Variants in INPP4B observed in about 807,000 individuals in gnomAD.
INPP4B encodes the protein inositol polyphosphate 4-phosphatase type II.
Under a neutral mutation model 122.5 loss-of-function variants are expected in INPP4B, and 55 were observed. That is an observed-to-expected ratio of 0.45 (90% CI 0.36 to 0.56). The LOEUF (loss-of-function observed/expected upper bound fraction) is 0.56, where lower values mean the gene tolerates loss of function less well. Among genes scored for constraint, INPP4B ranks in the 20% least tolerant of loss-of-function variants. INPP4B has a pLI of 0.00. For synonymous variants in INPP4B, 403 were observed against 388.7 expected (o/e 1.04, Z -0.43); for missense variants, 1,000 against 1,097.7 (o/e 0.91, Z 1.26).
intron 15 of INPP4B, among the ~76,000 whole-genome samples, chr4:142,185,402 A>G (rs565394257): frequency 0.17 from 25,596 of 148,140 alleles, 4,575 homozygotes; most frequent in African/African-American, 0.46. Context: ...GTGTGTGTAT[A>G]TATATATATA....
At chr4:142,186,861 T>G (rs1833400742) in intron 15 of INPP4B, among the ~76,000 whole-genome samples, 2 of 152,206 alleles carry the variant, frequency 1.3e-5, no homozygotes, top group South Asian at 4.1e-4. Context: ...GCAGGCCTCA[T>G]TATTTACTTC....
At chr4:142,060,137 C>T (rs1196604716) in intron 25 of INPP4B, among the ~76,000 whole-genome samples, 2 of 151,984 alleles carry the variant, frequency 1.3e-5, no homozygotes, top group African/African-American at 2.4e-5. Flanking sequence ...TGAAACTGCC[C>T]CATGGGATTT....
At chr4:142,550,545 C>A (rs888496183) in intron 2 of INPP4B, among the ~76,000 whole-genome samples, 1 of 150,884 alleles carries the variant, frequency 6.6e-6, no homozygotes. Flanking sequence ...TTTTTTCTCT[C>A]CTATCTCTTG....
rs190299386 is a variant in INPP4B, at chr4:142,572,199, A to T, written c.-190-109473T>A. ...ATAAAGCTCTGTATCACTGGCATGT[A>T]AAACTATGAAATTCTGCTCAACAGC... On this transcript the variant is annotated intron_variant, in intron 2 of 25. Transcript: ENST00000262992. Among the ~76,000 whole-genome samples the T allele has an allele frequency of 4.6e-5, 7 of 152,270 alleles. No individual in the cohort carries two copies. The East Asian group carries it at 1.4e-3, about 29-fold the overall frequency.
intron 7 of INPP4B, among the ~76,000 whole-genome samples, chr4:142,324,200 A>G (rs1771432830): frequency 1.3e-5 from 2 of 152,294 alleles, no homozygotes; most frequent in East Asian, 1.9e-4. Context: ...GGAGAAGCCA[A>G]CCTTGCCAGC....
At chr4:142,617,283 A>G (rs1743918825) in intron 2 of INPP4B, among the ~76,000 whole-genome samples, 1 of 152,084 alleles carries the variant, frequency 6.6e-6, no homozygotes, top group African/African-American at 2.4e-5. Context: ...CACACAAAAA[A>G]GGCAGATCTC....
chr4:142,604,401 A>C (rs1359481016), intron 2 of INPP4B, among the ~76,000 whole-genome samples: 2 of 152,132 alleles, frequency 1.3e-5, no homozygotes, highest in Non-Finnish European at 2.9e-5. Context: ...GAAAAGAAAT[A>C]AAAAGCATCC....
intron 2 of INPP4B, among the ~76,000 whole-genome samples, chr4:142,546,335 C>T (rs1183633591): frequency 2.0e-5 from 3 of 152,084 alleles, no homozygotes; most frequent in Non-Finnish European, 4.4e-5. Context: ...TTCAGTCTAT[C>T]ATTGATGGGC....
intron 1 of INPP4B, among the ~76,000 whole-genome samples, chr4:142,763,189 G>A (rs539601425): frequency 6.6e-5 from 10 of 152,172 alleles, no homozygotes; most frequent in Non-Finnish European, 1.5e-4. Flanking sequence ...ACTCACTTGC[G>A]ACTACATTAT....
intron 9 of INPP4B, among the ~76,000 whole-genome samples, chr4:142,290,802 A>G (rs1427496156): frequency 6.6e-6 from 1 of 152,174 alleles, no homozygotes; most frequent in Non-Finnish European, 1.5e-5. Flanking sequence ...GACCAAAGAC[A>G]GCTAGGCATC....
intron 1 of INPP4B, among the ~76,000 whole-genome samples, chr4:142,738,543 G>T (rs1270862181): frequency 6.6e-6 from 1 of 151,872 alleles, no homozygotes; most frequent in East Asian, 1.9e-4. Flanking sequence ...ACACCAACAT[G>T]GCACATGTAT....
chr4:142,134,024 T>A (rs962447579), intron 18 of INPP4B, among the ~76,000 whole-genome samples: 4 of 152,236 alleles, frequency 2.6e-5, no homozygotes, highest in Admixed American at 6.5e-5. Context: ...GTGTTACTTT[T>A]TATTGTCTCT....
chr4:142,067,616 C>T (rs191910798), intron 25 of INPP4B, among the ~76,000 whole-genome samples: 26 of 152,174 alleles, frequency 1.7e-4, no homozygotes, highest in South Asian at 1.0e-3. Flanking sequence ...CTAGAATAAA[C>T]GGTGTAGAGA....
At chr4:142,660,004 C>G (rs1054914224) in intron 2 of INPP4B, among the ~76,000 whole-genome samples, 4 of 151,976 alleles carry the variant, frequency 2.6e-5, no homozygotes, top group Non-Finnish European at 4.4e-5. Context: ...TAAAAGGCAC[C>G]GAGCAGGTGA....
chr4:142,648,686 C>T (rs1012965738), intron 2 of INPP4B, among the ~76,000 whole-genome samples: 1 of 152,194 alleles, frequency 6.6e-6, no homozygotes, highest in African/African-American at 2.4e-5. Context: ...CTGGGCTGGG[C>T]GGAGCCCACC....
chr4:142,603,213 A>G (rs114905249), intron 2 of INPP4B, among the ~76,000 whole-genome samples: 1,573 of 151,896 alleles, frequency 0.01, 30 homozygotes, highest in African/African-American at 0.036. Flanking sequence ...AACAACACAC[A>G]TTGGGGCCTG....
chr4:142,535,947 A>G (rs891856237), intron 2 of INPP4B, among the ~76,000 whole-genome samples: 5 of 152,166 alleles, frequency 3.3e-5, no homozygotes, highest in East Asian at 1.9e-4. Context: ...CTATGTCTAC[A>G]TCATGCATTA....
intron 9 of INPP4B, among the ~76,000 whole-genome samples, chr4:142,274,451 AC>A (rs896469607): frequency 1.3e-5 from 2 of 151,872 alleles, no homozygotes; most frequent in Admixed American, 6.6e-5. Flanking sequence ...TATGGACTCA[AC>A]AAAAATCTCA....
chr4:142,165,323 C>G (rs573106960), intron 16 of INPP4B, among the ~76,000 whole-genome samples: 2 of 151,816 alleles, frequency 1.3e-5, no homozygotes, highest in East Asian at 3.9e-4. Flanking sequence ...CTACTTATAC[C>G]TTTACAATAA....
Sources: allele counts gnomAD v4.1 joint callset (sites outside exome capture counted in the v4.1 genomes callset), GRCh38; gene constraint gnomAD v4.1.1; transcripts MANE v1.5; gene names NCBI Gene and HGNC (gene_info 2026-07-23, HGNC 2026-07-21).